DLC1: variants seen among roughly 807,000 people sequenced by gnomAD.
DLC1 encodes the protein rho GTPase-activating protein 7.
Under a neutral mutation model 140.3 loss-of-function variants are expected in DLC1, and 54 were observed. The observed-to-expected ratio is 0.38, with a 90% confidence interval of 0.31 to 0.48. The LOEUF (loss-of-function observed/expected upper bound fraction) is 0.48. Ranked by LOEUF, DLC1 falls within the 20% of genes least tolerant of loss-of-function variation. DLC1 has a pLI of 0.96. For missense variants in DLC1, 2,536 were observed against 1,907.0 expected, an observed-to-expected ratio of 1.33 and a Z score of -6.14; for synonymous variants, 986 against 728.1, an observed-to-expected ratio of 1.35 and a Z score of -5.70.
intron 2 of DLC1, among the ~76,000 whole-genome samples, chr8:13,489,503 CACAG>C (rs1007115781): frequency 2.0e-5 from 3 of 150,456 alleles, no homozygotes; most frequent in African/African-American, 7.3e-5. Flanking sequence ...ACTATGTGTA[CACAG>C]ACACTTTTAA....
At chr8:13,395,970 A>G (rs1418117092) in intron 3 of DLC1, among the ~76,000 whole-genome samples, 2 of 152,052 alleles carry the variant, frequency 1.3e-5, no homozygotes, top group Non-Finnish European at 2.9e-5. Context: ...ATAAACATTG[A>G]ATGCATAATC....
At chr8:13,162,875 A>C (rs906044481) in intron 5 of DLC1, among the ~76,000 whole-genome samples, 1 of 152,222 alleles carries the variant, frequency 6.6e-6, no homozygotes, top group African/African-American at 2.4e-5. Context: ...ATGAGGCTGC[A>C]GGATCACACC....
At chr8:13,484,755 C>G (rs996682968) in intron 2 of DLC1, among the ~76,000 whole-genome samples, 1 of 151,890 alleles carries the variant, frequency 6.6e-6, no homozygotes, top group South Asian at 2.1e-4. Context: ...AAATATGTCA[C>G]TTTGAACATA....
intron 1 of DLC1, among the ~76,000 whole-genome samples, chr8:13,570,831 G>A (rs369706243): frequency 3.3e-5 from 5 of 152,128 alleles, no homozygotes; most frequent in South Asian, 2.1e-4. Context: ...ATATTAGAAA[G>A]TTTAGTTTGT....
At chr8:13,382,036 TAAAG>T (rs1563300560) in intron 4 of DLC1, among the ~76,000 whole-genome samples, 2 of 151,900 alleles carry the variant, frequency 1.3e-5, no homozygotes, top group South Asian at 4.2e-4. Context: ...TAAAGAAAAA[TAAAG>T]AAAGTGTTAT....
At chr8:13,540,343 A>C (rs1303781789) in intron 1 of DLC1, among the ~76,000 whole-genome samples, 2 of 152,216 alleles carry the variant, frequency 1.3e-5, no homozygotes, top group African/African-American at 2.4e-5. Context: ...TTAAATTTAA[A>C]CTAACCGTTC....
At chr8:13,582,160 C>T (rs1440953787) in intron 1 of DLC1, among the ~76,000 whole-genome samples, 2 of 152,110 alleles carry the variant, frequency 1.3e-5, no homozygotes, top group African/African-American at 4.8e-5. Flanking sequence ...AGCTCTTTTT[C>T]CAACGGTTGG....
At chr8:13,376,883 T>A (rs954490306) in intron 4 of DLC1, among the ~76,000 whole-genome samples, 11 of 152,138 alleles carry the variant, frequency 7.2e-5, no homozygotes, top group Admixed American at 3.3e-4. Context: ...TGTTCAAAAT[T>A]GGTTACTGTG....
chr8:13,290,845 TA>T (rs746408586), intron 5 of DLC1, among the ~76,000 whole-genome samples: 33 of 152,292 alleles, frequency 2.2e-4, no homozygotes, highest in Admixed American at 8.5e-4. Flanking sequence ...GTGATGGCAC[TA>T]GGGGGCAACT....
rs1585612635 is a variant in DLC1 at position 13,099,660 on chromosome 8, C to A, written c.2677G>T (p.Asp893Tyr). 1 of 1,614,202 alleles carries A rather than the reference C, an allele frequency of 6.2e-7. No homozygotes were observed. Among genetic ancestry groups the A allele is most frequent in the Admixed American group, 1.7e-5 (1 of 60,030 alleles). Residue 893 changes from aspartate to tyrosine, a missense_variant, in exon 9 of 18, where the codon GAC becomes TAC. Physicochemically the swap from Asp to Tyr is radical, Grantham distance 160 (BLOSUM62 -3). Transcript: ENST00000276297. Reference sequence around the variant, plus strand: ...TCCTCGTTCTCCAGATCCGCCAGGTCCCCTGAACTGGAGTAGAGGATGGAG... The same window carrying A: ...TCCTCGTTCTCCAGATCCGCCAGGTACCCTGAACTGGAGTAGAGGATGGAG... The part of the protein sequence containing the change: ...PGSILYSSSG[D>Y]LADLENEDIF...
intron 5 of DLC1, among the ~76,000 whole-genome samples, chr8:13,263,035 A>T (rs2117340168): frequency 6.6e-6 from 1 of 152,318 alleles, no homozygotes; most frequent in Admixed American, 6.5e-5. Context: ...GAATAAAAAT[A>T]TATATTCTAT....
intron 6 of DLC1, among the ~76,000 whole-genome samples, chr8:13,111,434 T>A (rs1158511998): frequency 1.3e-5 from 2 of 152,202 alleles, no homozygotes; most frequent in Admixed American, 1.3e-4. Flanking sequence ...ATGAAGTTGC[T>A]ATAGAACAAC....
intron 1 of DLC1, chr8:13,559,025 C>T (rs184961470): frequency 6.6e-6 from 1 of 152,310 alleles, no homozygotes; most frequent in African/African-American, 2.4e-5. Flanking sequence ...AGTAAAGGGT[C>T]TAACAACTTT....
chr8:13,593,237 T>C (rs1805577113), intron 1 of DLC1, among the ~76,000 whole-genome samples: 1 of 152,168 alleles, frequency 6.6e-6, no homozygotes, highest in East Asian at 1.9e-4. Context: ...GCATGGATCC[T>C]TTGGTTTCTT....
At chr8:13,418,622 G>C (rs1446336626) in intron 2 of DLC1, among the ~76,000 whole-genome samples, 2 of 152,152 alleles carry the variant, frequency 1.3e-5, no homozygotes, top group Admixed American at 6.6e-5. Flanking sequence ...CTGTAGGCTT[G>C]TATATAGTTT....
At chr8:13,280,421 T>C (rs1476423809) in intron 5 of DLC1, among the ~76,000 whole-genome samples, 1 of 152,092 alleles carries the variant, frequency 6.6e-6, no homozygotes, top group Non-Finnish European at 1.5e-5. Context: ...AGGGAAGCTG[T>C]GTAAACTCTT....
At chr8:13,572,687 C>A (rs780886573) in intron 1 of DLC1, among the ~76,000 whole-genome samples, 1 of 152,080 alleles carries the variant, frequency 6.6e-6, no homozygotes, top group African/African-American at 2.4e-5. Flanking sequence ...TAATTTCATT[C>A]TTTTGTATGT....
upstream of DLC1, among the ~76,000 whole-genome samples, chr8:13,517,930 T>A (rs183790451): frequency 2.4e-3 from 370 of 152,332 alleles, 1 homozygote; most frequent in Admixed American, 0.013. Context: ...TTGCCTTTTT[T>A]AATGTTTACA....
intron 5 of DLC1, among the ~76,000 whole-genome samples, chr8:13,163,782 C>A (rs1824896117): frequency 6.6e-6 from 1 of 151,404 alleles, no homozygotes; most frequent in Non-Finnish European, 1.5e-5. Context: ...GTCTGGGCAA[C>A]ACAGTGAGAC....
Sources: gnomAD v4.1 joint callset for allele counts (sites outside exome capture counted in the v4.1 genomes callset) on GRCh38, gnomAD v4.1.1 for gene constraint, MANE v1.5 for transcripts, NCBI Gene and HGNC (gene_info 2026-07-23, HGNC 2026-07-21) for gene names.